The following ZNF721 variants were observed in gnomAD, a reference collection of about 807,000 sequenced individuals.
The protein encoded by ZNF721 is zinc finger protein 721.
Under a neutral mutation model 2.4 loss-of-function variants are expected in ZNF721, and 2 were observed. The ratio of observed to expected loss-of-function variants is 0.82; its 90% confidence interval spans 0.34 to 2.58. ZNF721 has a LOEUF of 2.58. Ranked by LOEUF, ZNF721 falls within the 30% of genes most tolerant of loss-of-function variation. The probability of loss-of-function intolerance (pLI) is 0.11; values close to 1 mark genes in which losing one functional copy is unlikely to be tolerated. For synonymous variants in ZNF721, 398 were observed against 381.8 expected, an observed-to-expected ratio of 1.04 and a Z score of -0.50; for missense variants, 1,187 against 1,085.5, an observed-to-expected ratio of 1.09 and a Z score of -1.31.
chr4:450,955 AAATATATATATATATATATATATATATAT>A (rs1560228730), intron 2 of ZNF721, among the ~76,000 whole-genome samples: 1 of 27,950 alleles, frequency 3.6e-5, no homozygotes, highest in African/African-American at 2.5e-4. Context: ...AAAAAAAAAA[AAATATATATATATATATATATATATATAT>A]ATATATATAT....
intron 2 of ZNF721, among the ~76,000 whole-genome samples, chr4:467,062 C>CA (rs574287696): frequency 1.8e-4 from 27 of 148,708 alleles, no homozygotes; most frequent in East Asian, 7.9e-4. Flanking sequence ...ACTAAAAATA[C>CA]AAAAAAAAAA....
At chr4:496,578 G>A (rs1716157580) in intron 1 of ZNF721, among the ~76,000 whole-genome samples, 1 of 152,162 alleles carries the variant, frequency 6.6e-6, no homozygotes, top group African/African-American at 2.4e-5. Context: ...TCATGAGCTA[G>A]AGGGTTTGGA....
chr4:467,994 A>C (rs1553866974), intron 2 of ZNF721, among the ~76,000 whole-genome samples: 1 of 150,756 alleles, frequency 6.6e-6, no homozygotes, highest in Non-Finnish European at 1.5e-5. Context: ...AAATTAGCTG[A>C]GCGTGCCGGG....
At chr4:490,253 G>A (rs1197762798) in intron 1 of ZNF721, among the ~76,000 whole-genome samples, 2 of 151,700 alleles carry the variant, frequency 1.3e-5, no homozygotes, top group Non-Finnish European at 2.9e-5. Context: ...GAGGCGGGCA[G>A]ATCACGAGGT....
In ZNF721 at chr4:441,891, T is replaced by G. The variant is rs1714252803; in HGVS notation, c.2576A>C (p.His859Pro). The change falls in exon 3 of 3, where the codon CAT becomes CCT. Residue 859 changes from histidine to proline, a missense_variant. Physicochemically the swap from His to Pro is moderately conservative, Grantham distance 77. Transcript: ENST00000511833. ...SAILYVHRRI[H>P]TGEKPYTCGE... ...ACATGTGTAGGGTTTCTCTCCAGTA[T>G]GAATTCTCCTATGTACATAAAGGAT... 5.0e-6 allele frequency: 8 copies of G among 1,613,988 alleles called. No homozygotes were observed. Among genetic ancestry groups the G allele is most frequent in the Non-Finnish European group, 6.8e-6 (8 of 1,179,936 alleles).
chr4:491,349 C>T (rs954801905), intron 1 of ZNF721, among the ~76,000 whole-genome samples: 10 of 151,770 alleles, frequency 6.6e-5, no homozygotes, highest in East Asian at 2.0e-4. Flanking sequence ...ATCCAGGAGG[C>T]GGAGGTTGCA....
At chr4:463,079 T>C (rs1715119648) in intron 2 of ZNF721, among the ~76,000 whole-genome samples, 2 of 151,940 alleles carry the variant, frequency 1.3e-5, no homozygotes, top group Non-Finnish European at 2.9e-5. Flanking sequence ...AACCACCCCA[T>C]CAAAAAGTGG....
intron 1 of ZNF721, among the ~76,000 whole-genome samples, chr4:492,654 G>C (rs1553871651): frequency 6.8e-6 from 1 of 146,760 alleles, no homozygotes; most frequent in East Asian, 2.0e-4. Flanking sequence ...GACTTACACA[G>C]AACATTCATG....
chr4:458,421 T>C (rs947560468), intron 2 of ZNF721, among the ~76,000 whole-genome samples: 3 of 152,178 alleles, frequency 2.0e-5, no homozygotes, highest in African/African-American at 7.2e-5. Context: ...AACTAGTCTA[T>C]AATGACTGAA....
chr4:448,238 A>G (rs1248079230), intron 2 of ZNF721, among the ~76,000 whole-genome samples: 2 of 152,044 alleles, frequency 1.3e-5, no homozygotes, highest in Non-Finnish European at 1.5e-5. Context: ...TGAATGTAGA[A>G]TAAAAGAAAG....
Position 442,549 on chromosome 4 carries a change from G to T in ZNF721, c.1918C>A (p.Pro640Thr), listed in dbSNP as rs1194955966. 1 of 1,613,774 alleles carries T rather than the reference G, an allele frequency of 6.2e-7. No homozygotes were observed. The highest frequency in any genetic ancestry group is 2.2e-5 in the East Asian group (1 of 44,876). Residue 640 changes from proline (P) to threonine (T), a missense_variant, in exon 3 of 3, where the codon CCT (proline) becomes ACT (threonine). By Grantham distance (38) the Pro-to-Thr change is conservative (BLOSUM62 -1). Transcript: ENST00000511833. ...QQKKIYTGEKPYKCEECGKAF... is the reference protein window; with the variant it reads ...QQKKIYTGEKTYKCEECGKAF... Reference sequence around the variant, plus strand: ...TTGCCACACTCTTCACATTTGTAAGGTTTCTCCCCAGTGTAAATTTTCTTC... The same window carrying T: ...TTGCCACACTCTTCACATTTGTAAGTTTTCTCCCCAGTGTAAATTTTCTTC...
intron 2 of ZNF721, among the ~76,000 whole-genome samples, chr4:460,222 A>G (rs1553865875): frequency 6.6e-6 from 1 of 152,204 alleles, no homozygotes. Context: ...AATGCAGAAG[A>G]AAGAAAATTA....
chr4:449,816 C>G (rs181526071), intron 2 of ZNF721, among the ~76,000 whole-genome samples: 53 of 152,212 alleles, frequency 3.5e-4, no homozygotes, highest in African/African-American at 1.2e-3. Flanking sequence ...CTCAACATCA[C>G]TAATTGTCAG....
chr4:497,593 A>G (rs1429615899), intron 1 of ZNF721, among the ~76,000 whole-genome samples: 1 of 152,062 alleles, frequency 6.6e-6, no homozygotes, highest in Non-Finnish European at 1.5e-5. Context: ...AATCATATGT[A>G]TAATAACAGG....
At position 440,094 on chromosome 4, in the gene ZNF721, T is replaced by C. The variant is rs537670825; in HGVS notation, c.*1601A>G. The C allele has an allele frequency of 2.1e-4, 32 of 152,344 alleles. No individual in the cohort carries two copies. The South Asian group carries it at 6.6e-3, about 32-fold the overall frequency. The allele number at this position is 152,344 out of a possible 1,614,324, so 9.4% of individuals were successfully genotyped here. On this transcript the variant is annotated 3_prime_UTR_variant, in exon 3 of 3. Coordinates refer to ENST00000511833, the MANE Select transcript of ZNF721 (RefSeq NM_133474.4). ...TTGCACTTATTACATAAATATACAG[T>C]TGGCAAAACAATTTACTACTAAAAT...
At position 441,954 on chromosome 4, in the gene ZNF721, G is replaced by A; in HGVS notation, c.2513C>T (p.Thr838Ile). Residue 838 changes from threonine to isoleucine, a missense_variant, in exon 3 of 3, where the codon ACA becomes ATA. Coordinates refer to ENST00000511833, the MANE Select transcript of ZNF721 (RefSeq NM_133474.4). ...AAAGGCTTTGCCACATTCTTCACAT[G>A]TGTAGGGTTTCTCTCCAGTATGAAT... ...RRIHTGEKPY[T>I]CEECGKAFRQ... The A allele has an allele frequency of 6.2e-7, 1 of 1,612,852 alleles. No homozygotes were observed. The highest frequency in any genetic ancestry group is 8.5e-7 in the Non-Finnish European group (1 of 1,179,594).
chr4:474,220 G>C, intron 1 of ZNF721: 1 of 391,388 alleles, frequency 2.6e-6, no homozygotes, highest in South Asian at 2.0e-5. Flanking sequence ...TCTCAGTCAA[G>C]CGCTCTGATT....
At position 443,604 on chromosome 4, in the gene ZNF721, A is replaced by C. The variant is rs782685953; in HGVS notation, c.863T>G (p.Ile288Ser). 6.2e-6 allele frequency: 10 copies of C among 1,613,216 alleles called. No homozygotes were observed. The African/African-American group carries it at 9.4e-5, about 15-fold the overall frequency. ...CCTATGTTTAGTAAGGGTTGTGGAA[A>C]TATTAAAGGCTTTACCACATTCTAA... Reference protein sequence around the residue: ...KCLECGKAFNISTTLTKHRRI... With the variant: ...KCLECGKAFNSSTTLTKHRRI... Residue 288 changes from isoleucine to serine, a missense_variant, in exon 3 of 3, where the codon ATT becomes AGT. Transcript: ENST00000511833.
intron 1 of ZNF721, among the ~76,000 whole-genome samples, chr4:493,171 TAAA>T (rs79248295): frequency 7.6e-6 from 1 of 131,848 alleles, no homozygotes; most frequent in Admixed American, 7.8e-5. Flanking sequence ...ACTGAGACAG[TAAA>T]AAAAAAAAAA....
Sources: gnomAD v4.1 joint callset for allele counts (sites outside exome capture counted in the v4.1 genomes callset) on GRCh38, gnomAD v4.1.1 for gene constraint, MANE v1.5 for transcripts, NCBI Gene and HGNC (gene_info 2026-07-23, HGNC 2026-07-21) for gene names.